LMBR1L: variants seen among roughly 807,000 people sequenced by gnomAD.
The protein encoded by LMBR1L is protein LMBR1L.
Under a neutral mutation model 67.3 loss-of-function variants are expected in LMBR1L, and 47 were observed. The observed-to-expected ratio is 0.70, with a 90% CI of 0.55 to 0.89. LMBR1L has a LOEUF of 0.89. Ranked by LOEUF, LMBR1L falls within the 40% of genes least tolerant of loss-of-function variation. LMBR1L has a pLI of 0.00. For missense variants in LMBR1L, 533 were observed against 599.2 expected (o/e 0.89, Z 1.15); for synonymous variants, 247 against 250.3 (o/e 0.99, Z 0.13).
Position 49,101,241 on chromosome 12 carries a change from G to A in LMBR1L, c.1082+9C>T. ...GAACAGAGGCAATGATGGGTTTCCA[G>A]AAGGATACAAGATGAGTACAACCTG... On this transcript the variant is annotated intron_variant, in intron 13 of 16. Transcript: ENST00000267102. The A allele has an allele frequency of 3.1e-6, 5 of 1,614,162 alleles. No individual in the cohort carries two copies. Among genetic ancestry groups the A allele is most frequent in the Non-Finnish European group, 4.2e-6 (5 of 1,180,012 alleles).
intron 1 of LMBR1L, among the ~76,000 whole-genome samples, chr12:49,108,877 CAGCTATCTGTACAAGGAGGGA>C (rs1354873425): frequency 1.3e-5 from 2 of 152,200 alleles, no homozygotes; most frequent in Admixed American, 1.3e-4. Flanking sequence ...AAAACACATA[CAGCTATCTGTACAAGGAGGGA>C]AGAATCCACA....
rs1443882188 is a variant in LMBR1L at position 49,110,669 on chromosome 12, C to T, written c.-114G>A. ...CAGCCTAGGGGCCTTTCCTCGCAGCCTGCGACAGAAACTCGGGGCAGTCTG... is the reference window on the plus strand; with the variant it reads ...CAGCCTAGGGGCCTTTCCTCGCAGCTTGCGACAGAAACTCGGGGCAGTCTG... On this transcript the variant is annotated 5_prime_UTR_variant, in exon 1 of 17. Coordinates refer to ENST00000267102, the MANE Select transcript of LMBR1L (RefSeq NM_018113.4). 3 of 886,630 alleles carry T rather than the reference C, an allele frequency of 3.4e-6. No individual in the cohort carries two copies. Among genetic ancestry groups the T allele is most frequent in the East Asian group, 5.0e-5 (2 of 39,740 alleles). 54.9% of individuals were successfully genotyped at this position (886,630 alleles called of 1,614,324 possible). A position where few individuals can be genotyped will look rare whatever the true frequency, so the allele number is the denominator to read the frequency against.
rs751748954 is a variant in LMBR1L, at chr12:49,103,803, C to A, written c.446G>T (p.Gly149Val). 6.2e-7 allele frequency: 1 copy of A among 1,612,402 alleles called. No homozygotes were observed. Among genetic ancestry groups the A allele is most frequent in the South Asian group, 1.1e-5 (1 of 90,826 alleles). The change falls in exon 6 of 17, where the codon GGC becomes GTC. Residue 149 changes from glycine (G) to valine (V), a missense_variant. Physicochemically the swap from Gly to Val is moderately radical, Grantham distance 109. Coordinates refer to ENST00000267102, the MANE Select transcript of LMBR1L (RefSeq NM_018113.4). Reference protein sequence around the residue: ...GFAGSRKGVLGRVYETVVMLM... With the variant: ...GFAGSRKGVLVRVYETVVMLM... Reference sequence around the variant, plus strand: ...CATCACCACTGTCTCATAGACCCGGCCCAGGACACCCTACGGGAGGAGGCA... The same window carrying A: ...CATCACCACTGTCTCATAGACCCGGACCAGGACACCCTACGGGAGGAGGCA...
chr12:49,097,667 G>A lies in LMBR1L; in HGVS notation c.*5C>T, dbSNP rs1939553988. ...AGTTTTTTCCTTCCCACCCCCAGCT[G>A]GAGGTCACTGGTGCTGGGTCTTCCT... is the stretch of plus-strand genomic sequence containing the variant. On this transcript the variant is annotated 3_prime_UTR_variant, in exon 17 of 17. Coordinates refer to ENST00000267102, the MANE Select transcript of LMBR1L (RefSeq NM_018113.4). The A allele has an allele frequency of 6.2e-7, 1 of 1,612,916 alleles. No homozygotes were observed. The highest frequency in any genetic ancestry group is 1.7e-5 in the Admixed American group (1 of 59,984).
chr12:49,105,897 G>A, intron 3 of LMBR1L, 27 bp downstream of exon 3: 1 of 1,603,684 alleles, frequency 6.2e-7, no homozygotes, highest in South Asian at 1.1e-5. Context: ...GACCACTGAT[G>A]TTAGGTGCTG....
chr12:49,101,843 T>G (rs1940232138), intron 11 of LMBR1L: 1 of 578,694 alleles, frequency 1.7e-6, no homozygotes, highest in South Asian at 2.2e-5. Context: ...CGACTGAATT[T>G]CAATGTTTAT....
chr12:49,102,626 C>A (rs981476424), intron 8 of LMBR1L, 86 bp from the exon 9 acceptor site: 1 of 1,378,642 alleles, frequency 7.3e-7, no homozygotes, highest in Non-Finnish European at 1.0e-6. Flanking sequence ...CCCAGGGCTC[C>A]GTAGTCCCAG....
At position 49,103,807 on chromosome 12, in the gene LMBR1L, G is replaced by A. The variant is rs1293732610; in HGVS notation, c.442C>T (p.Leu148=). The change falls in exon 6 of 17, where the codon CTG becomes TTG. Residue 148 remains leucine (L), a synonymous_variant. Transcript: ENST00000267102. The part of the protein sequence containing the change: ...EGFAGSRKGV[L]GRVYETVVML... ...ACCACTGTCTCATAGACCCGGCCCAGGACACCCTACGGGAGGAGGCAACCA... is the reference window on the plus strand; with the variant it reads ...ACCACTGTCTCATAGACCCGGCCCAAGACACCCTACGGGAGGAGGCAACCA... 1 of 1,612,326 alleles carries A rather than the reference G, an allele frequency of 6.2e-7. No individual in the cohort carries two copies. The highest frequency in any genetic ancestry group is 1.1e-5 in the South Asian group (1 of 90,822).
At chr12:49,100,524 C>A in intron 14 of LMBR1L, 32 bp downstream of exon 14, 5 of 1,609,842 alleles carry the variant, frequency 3.1e-6, no homozygotes, top group Non-Finnish European at 3.4e-6. Context: ...ATCCACACCC[C>A]CCGGGAGCTT....
At chr12:49,102,059 TC>T in intron 11 of LMBR1L, 60 bp downstream of exon 11, 1 of 1,451,604 alleles carries the variant, frequency 6.9e-7, no homozygotes, top group Non-Finnish European at 9.7e-7. Flanking sequence ...GCCTCCCCTC[TC>T]CCTGAGAAGG....
At position 49,097,961 on chromosome 12, in the gene LMBR1L, TCTGCCCG is replaced by T; in HGVS notation, c.1378_1384del (p.Arg460SerfsTer2). On this transcript the variant is annotated frameshift_variant, in exon 16 of 17. Coordinates refer to ENST00000267102, the MANE Select transcript of LMBR1L (RefSeq NM_018113.4). LOFTEE classifies it high-confidence loss of function. ...CCTCTCACCAAAGGCCCGGATCAGC[TCTGCCCG>T]CACAGCTGCAGTGAAGGTCTTCACC... is the stretch of plus-strand genomic sequence containing the variant. 1 of 1,613,404 alleles carries T rather than the reference TCTGCCCG, an allele frequency of 6.2e-7. No homozygotes were observed. Among genetic ancestry groups the T allele is most frequent in the South Asian group, 1.1e-5 (1 of 91,080 alleles).
Position 49,102,491 on chromosome 12 carries a change from G to GCCT in LMBR1L, c.743_745dup (p.Glu248dup). 6.2e-7 allele frequency: 1 copy of GCCT among 1,614,180 alleles called. No homozygotes were observed. Among genetic ancestry groups the GCCT allele is most frequent in the Non-Finnish European group, 8.5e-7 (1 of 1,180,020 alleles). ...ACTACAGATCCTGCGGGTCAGGGCTGCCTCCTCAAAGGCTGAGCAGTACAG... is the reference window on the plus strand; with the variant it reads ...ACTACAGATCCTGCGGGTCAGGGCTGCCTCCTCCTCAAAGGCTGAGCAGTACAG... On this transcript the variant is annotated inframe_insertion, in exon 9 of 17. Coordinates refer to ENST00000267102, the MANE Select transcript of LMBR1L (RefSeq NM_018113.4).
rs765081389 is a variant in LMBR1L, at chr12:49,105,950, A to C, written c.165T>G (p.Asp55Glu). 1.9e-6 allele frequency: 3 copies of C among 1,613,298 alleles called. No homozygotes were observed. The highest frequency in any genetic ancestry group is 2.2e-5 in the South Asian group (2 of 90,942). The part of the protein sequence containing the change: ...KKPAEFTTVD[D>E]EDATVNKIAL... The stretch of plus-strand genomic sequence containing the variant: ...CAATCTTGTTGACGGTGGCATCTTC[A>C]TCATCCACTGTAAGAGACAGAGGCA... Residue 55 changes from aspartate to glutamate, a missense_variant, in exon 3 of 17, where the codon GAT (aspartate) becomes GAG (glutamate). Transcript: ENST00000267102.
chr12:49,102,303 CCT>C lies in LMBR1L; in HGVS notation c.841_842del (p.Arg281GlyfsTer47). The C allele has an allele frequency of 6.2e-7, 1 of 1,614,222 alleles. No homozygotes were observed. On this transcript the variant is annotated frameshift_variant, in exon 10 of 17. Transcript: ENST00000267102. LOFTEE classifies it high-confidence loss of function. The stretch of plus-strand genomic sequence containing the variant: ...TACGAAGCCACATACCCAGCAGGAC[CCT>C]CTGTGTCTGCAGAGCCAGGACCTGT... ...HRQVLALQTQ[R>X]VLLEKRRKAS...
chr12:49,100,631 G>A lies in LMBR1L; in HGVS notation c.1098C>T (p.Ser366=). The part of the protein sequence containing the change: ...QVVLIFYLMV[S]SVVGFYSSPL... ...GAGAGCTATAGAAGCCCACAACTGA[G>A]GACACCATTAGGTAACTGCCACTGC... Residue 366 remains serine (S), a synonymous_variant, in exon 14 of 17, where the codon TCC becomes TCT. Transcript: ENST00000267102. 6.2e-7 allele frequency: 1 copy of A among 1,613,782 alleles called. No homozygotes were observed. Among genetic ancestry groups the A allele is most frequent in the Non-Finnish European group, 8.5e-7 (1 of 1,179,738 alleles).
rs1233190032 is a variant in LMBR1L, at chr12:49,101,727, A to G, written c.931-178T>C. ...GCAACAGAGTGCCTTTGAGGATATT[A>G]TAAGATACATCTCCTCTAGATGGAA... On this transcript the variant is annotated intron_variant, in intron 11 of 16. Coordinates refer to ENST00000267102, the MANE Select transcript of LMBR1L (RefSeq NM_018113.4). 6 of 599,196 alleles carry G rather than the reference A, an allele frequency of 1.0e-5. No individual in the cohort carries two copies. The East Asian group carries it at 1.4e-4, about 14-fold the overall frequency. 37.1% of individuals were successfully genotyped at this position (599,196 alleles called of 1,614,324 possible). A position where few individuals can be genotyped will look rare whatever the true frequency, so the allele number is the denominator to read the frequency against.
At chr12:49,100,255 T>C (rs1233159818) in intron 15 of LMBR1L, 133 bp downstream of exon 15, 7 of 747,672 alleles carry the variant, frequency 9.4e-6, no homozygotes, top group East Asian at 4.9e-5. Flanking sequence ...TTTCCTCATC[T>C]GTATAATGCG....
In LMBR1L at chr12:49,110,772, C is replaced by T; in HGVS notation, c.-217G>A. ...CCGCCTCGTTTTAAAGGGCTCTGTC[C>T]TCCCTTTGCTCCCCACTCTTTAAGG... On this transcript the variant is annotated 5_prime_UTR_variant, in exon 1 of 17. Transcript: ENST00000267102. 1 of 572,972 alleles carries T rather than the reference C, an allele frequency of 1.7e-6. No individual in the cohort carries two copies. Among genetic ancestry groups the T allele is most frequent in the East Asian group, 2.9e-5 (1 of 34,452 alleles). The allele number at this position is 572,972 out of a possible 1,614,324, so 35.5% of individuals were successfully genotyped here.
At position 49,101,254 on chromosome 12, in the gene LMBR1L, T is replaced by C. The variant is rs1024857215; in HGVS notation, c.1078A>G (p.Ile360Val). The change falls in exon 13 of 17, where the codon ATC becomes GTC. Residue 360 changes from isoleucine (I) to valine (V), a missense_variant. Physicochemically the swap from Ile to Val is conservative, Grantham distance 29. Coordinates refer to ENST00000267102, the MANE Select transcript of LMBR1L (RefSeq NM_018113.4). The part of the protein sequence containing the change: ...SFGAVIQVVL[I>V]FYLMVSSVVG... ...GATGGGTTTCCAGAAGGATACAAGA[T>C]GAGTACAACCTGAATGACGGCACCA... 1.9e-6 allele frequency: 3 copies of C among 1,613,934 alleles called. No homozygotes were observed. Among genetic ancestry groups the C allele is most frequent in the African/African-American group, 2.7e-5 (2 of 74,878 alleles).
Sources: allele counts gnomAD v4.1 joint callset (sites outside exome capture counted in the v4.1 genomes callset), GRCh38; gene constraint gnomAD v4.1.1; transcripts MANE v1.5; gene names NCBI Gene and HGNC (gene_info 2026-07-23, HGNC 2026-07-21).